DYNC2H1: variants seen among roughly 807,000 people sequenced by gnomAD.
DYNC2H1 encodes dynein cytoplasmic 2 heavy chain 1.
A neutral mutation model predicts 570.0 loss-of-function variants in DYNC2H1; 410 were observed. That is an observed-to-expected ratio of 0.72 (90% CI 0.66 to 0.78). DYNC2H1 has a LOEUF of 0.78. Among genes scored for constraint, DYNC2H1 ranks in the 30% least tolerant of loss-of-function variants. The pLI is 0.00. For synonymous variants in DYNC2H1, 1,688 were observed against 1,677.6 expected (o/e 1.01, Z -0.15); for missense variants, 4,865 against 5,046.4 (o/e 0.96, Z 1.09).
intron 82 of DYNC2H1, among the ~76,000 whole-genome samples, chr11:103,342,473 A>G (rs1023936613): frequency 1.9e-4 from 28 of 150,248 alleles, no homozygotes; most frequent in East Asian, 7.9e-4. Context: ...TTCGCAATAA[A>G]TCTTGCTGCA....
At chr11:103,234,848 T>G (rs1224801808) in intron 61 of DYNC2H1, among the ~76,000 whole-genome samples, 2 of 152,010 alleles carry the variant, frequency 1.3e-5, no homozygotes, top group African/African-American at 4.8e-5. Context: ...TATTTTCTTT[T>G]TCTTATTCCA....
rs1456316382 is a variant in DYNC2H1 at position 103,234,030 on chromosome 11, A to G, written c.9441-4A>G. On this transcript the variant is annotated splice_region_variant and splice_polypyrimidine_tract_variant and intron_variant, in intron 60 of 88. Transcript: ENST00000375735. Reference sequence around the variant, plus strand: ...CTTTTAATTAAATTTTAATGTTTACATAGATTTCAGAGCAGGACTTCAGAA... The same window carrying G: ...CTTTTAATTAAATTTTAATGTTTACGTAGATTTCAGAGCAGGACTTCAGAA... The G allele has an allele frequency of 3.2e-6, 5 of 1,550,464 alleles. No homozygotes were observed. The highest frequency in any genetic ancestry group is 3.9e-5 in the Admixed American group (2 of 50,762).
chr11:103,187,312 A>C (rs774036478), intron 42 of DYNC2H1, 28 bp from the exon 43 acceptor site: 30 of 1,608,256 alleles, frequency 1.9e-5, no homozygotes, highest in Non-Finnish European at 2.5e-5. Flanking sequence ...CATTTTTATC[A>C]AAGTCAGATG....
In DYNC2H1 at chr11:103,173,060, A is replaced by G. The variant is rs1257570022; in HGVS notation, c.5335-22A>G. Reference sequence around the variant, plus strand: ...AACTTAATATTTAATATTTAAATTAATATTTTTAATTAATATTTCAGGTAG... The same window carrying G: ...AACTTAATATTTAATATTTAAATTAGTATTTTTAATTAATATTTCAGGTAG... On this transcript the variant is annotated intron_variant, in intron 34 of 88. Transcript: ENST00000375735. 1.8e-5 allele frequency: 21 copies of G among 1,146,782 alleles called. 1 individual carries two copies. Among genetic ancestry groups the G allele is most frequent in the Non-Finnish European group, 2.1e-5 (19 of 887,718 alleles). 71.0% of individuals were successfully genotyped at this position (1,146,782 alleles called of 1,614,324 possible). A position where few individuals can be genotyped will look rare whatever the true frequency, so the allele number is the denominator to read the frequency against.
chr11:103,278,020 T>C (rs1232291869), intron 70 of DYNC2H1, among the ~76,000 whole-genome samples: 2 of 152,198 alleles, frequency 1.3e-5, no homozygotes, highest in Non-Finnish European at 2.9e-5. Context: ...TAGGTTACCA[T>C]GACTGTTTTC....
At position 103,145,489 on chromosome 11, in the gene DYNC2H1, A is replaced by G. The variant is rs1860194777; in HGVS notation, c.2702+2094A>G. On this transcript the variant is annotated intron_variant, in intron 18 of 88. Coordinates refer to ENST00000375735, the MANE Select transcript of DYNC2H1 (RefSeq NM_001377.3). The surrounding 1 kb of genome is among the most constrained non-coding windows in gnomAD (Gnocchi z 4.2). ...GTCACCTGACTGCCTAAGAACCTCT[A>G]CTGCTTCCTCTACTATTTTTTTGTC... 6.6e-6 allele frequency among the ~76,000 whole-genome samples: 1 copy of G among 152,068 alleles called. No individual in the cohort carries two copies. The highest frequency in any genetic ancestry group is 6.5e-5 in the Admixed American group (1 of 15,270).
rs768090396 is a variant in DYNC2H1, at chr11:103,185,634, A to G, written c.6633+583A>G. ...ATTTTGCTGCTTCTTTGATAGTGTCATTTACTGCTTTCTCTATTCCGTCTC... is the reference window on the plus strand; with the variant it reads ...ATTTTGCTGCTTCTTTGATAGTGTCGTTTACTGCTTTCTCTATTCCGTCTC... On this transcript the variant is annotated intron_variant, in intron 41 of 88. Coordinates refer to ENST00000375735, the MANE Select transcript of DYNC2H1 (RefSeq NM_001377.3). The surrounding 1 kb of genome is among the most constrained non-coding windows in gnomAD (Gnocchi z 4.5). Among the ~76,000 whole-genome samples the G allele has an allele frequency of 2.0e-5, 3 of 151,620 alleles. No homozygotes were observed. The highest frequency in any genetic ancestry group is 2.9e-5 in the Non-Finnish European group (2 of 67,826).
At chr11:103,284,663 A>T (rs892495103) in intron 73 of DYNC2H1, among the ~76,000 whole-genome samples, 3 of 152,180 alleles carry the variant, frequency 2.0e-5, no homozygotes, top group Non-Finnish European at 4.4e-5. Context: ...TTGAAATGTA[A>T]TTTATTTTCT....
In DYNC2H1 at chr11:103,156,661, C is replaced by T; in HGVS notation, c.4018C>T (p.Gln1340Ter). Residue 1340 changes from glutamine (Q) to a stop codon, truncating the protein, a stop_gained, in exon 26 of 89, where the codon CAG (glutamine) becomes TAG (stop). Transcript: ENST00000375735. LOFTEE classifies it high-confidence loss of function. Reference protein sequence around the residue: ...RKLAELDEYLQNLNHIQRKWV... With the variant: ...RKLAELDEYL ...ACTTGCAGAGTTAGATGAATACCTG[C>T]AGAATTTAAATCATATTCAGAGAAA... The T allele has an allele frequency of 1.2e-6, 2 of 1,613,310 alleles. No individual in the cohort carries two copies. The highest frequency in any genetic ancestry group is 1.7e-6 in the Non-Finnish European group (2 of 1,179,636).
rs1158958317 is a variant in DYNC2H1 at position 103,299,450 on chromosome 11, C to T, written c.11096-3643C>T. Among the ~76,000 whole-genome samples, 1 of 152,100 alleles carries T rather than the reference C, an allele frequency of 6.6e-6. No individual in the cohort carries two copies. Among genetic ancestry groups the T allele is most frequent in the Non-Finnish European group, 1.5e-5 (1 of 68,004 alleles). ...AGTTTTGGAAGCCCTGGGGAAAATC[C>T]ACTTCCAAACCCATTCAGGTTCAGC... is the stretch of plus-strand genomic sequence containing the variant. On this transcript the variant is annotated intron_variant, in intron 75 of 88. Coordinates refer to ENST00000375735, the MANE Select transcript of DYNC2H1 (RefSeq NM_001377.3). This position sits in a 1 kb window ranked among gnomAD's most constrained non-coding sequence, Gnocchi z 4.5.
At chr11:103,131,746 T>C (rs867213190) in intron 13 of DYNC2H1, among the ~76,000 whole-genome samples, 2 of 152,176 alleles carry the variant, frequency 1.3e-5, no homozygotes, top group South Asian at 4.1e-4. Context: ...CTTTAAACAT[T>C]TTCCATGTCC....
Position 103,233,830 on chromosome 11 carries a change from A to ATGTGTGTGTG in DYNC2H1, c.9441-165_9441-156dup, listed in dbSNP as rs745355739. The stretch of plus-strand genomic sequence containing the variant: ...TTTGAGGTAGAGAATGCTACACTTT[A>ATGTGTGTGTG]TGTGTGTGTGTGTGTGTGTGTGTGT... On this transcript the variant is annotated intron_variant, in intron 60 of 88. Coordinates refer to ENST00000375735, the MANE Select transcript of DYNC2H1 (RefSeq NM_001377.3). Among the ~76,000 whole-genome samples, 4 of 75,872 alleles carry ATGTGTGTGTG rather than the reference A, an allele frequency of 5.3e-5. No homozygotes were observed. The East Asian group carries it at 1.3e-3, about 25-fold the overall frequency. The allele number at this position is 75,872 out of a possible 152,430, so 49.8% of individuals were successfully genotyped here. A position where few individuals can be genotyped will look rare whatever the true frequency, so the allele number is the denominator to read the frequency against.
intron 13 of DYNC2H1, among the ~76,000 whole-genome samples, chr11:103,132,401 G>T (rs1339908414): frequency 6.6e-6 from 1 of 151,748 alleles, no homozygotes; most frequent in Non-Finnish European, 1.5e-5. Context: ...AAGAGAATTT[G>T]TAACTGCCTG....
intron 55 of DYNC2H1, among the ~76,000 whole-genome samples, chr11:103,219,209 C>T (rs1863494165): frequency 6.6e-6 from 1 of 151,554 alleles, no homozygotes; most frequent in East Asian, 1.9e-4. Context: ...ATAGTGAGAC[C>T]CTGTCTCAAA....
intron 83 of DYNC2H1, among the ~76,000 whole-genome samples, chr11:103,384,545 AAT>A (rs1238517480): frequency 6.6e-6 from 1 of 151,688 alleles, no homozygotes; most frequent in Non-Finnish European, 1.5e-5. Flanking sequence ...ATTATTTTCT[AAT>A]GTTTCTTTTT....
rs145023981 is a variant in DYNC2H1, at chr11:103,382,894, G to T, written c.12157-16769G>T. ...ATGGATAATTTAATATAGAGAATTGGTAACACATGTTGGAGAGCTCAAAGA... is the reference window on the plus strand; with the variant it reads ...ATGGATAATTTAATATAGAGAATTGTTAACACATGTTGGAGAGCTCAAAGA... On this transcript the variant is annotated intron_variant, in intron 83 of 88. Transcript: ENST00000375735. Among the ~76,000 whole-genome samples the T allele has an allele frequency of 6.0e-4, 91 of 152,298 alleles. 2 individuals carry two copies. The East Asian group carries it at 0.016, about 27-fold the overall frequency.
intron 61 of DYNC2H1, among the ~76,000 whole-genome samples, chr11:103,234,500 A>T (rs560976917): frequency 1.3e-5 from 2 of 151,982 alleles, no homozygotes; most frequent in Non-Finnish European, 2.9e-5. Context: ...ACTGTTGGCT[A>T]TTTATTTTTT....
chr11:103,374,781 C>T (rs941529236), intron 83 of DYNC2H1, among the ~76,000 whole-genome samples: 1 of 152,146 alleles, frequency 6.6e-6, no homozygotes, highest in Non-Finnish European at 1.5e-5. Context: ...AATTTCTAAA[C>T]AGCAAAGCAT....
intron 6 of DYNC2H1, among the ~76,000 whole-genome samples, chr11:103,118,556 G>A (rs1858539422): frequency 6.6e-6 from 1 of 151,352 alleles, no homozygotes; most frequent in South Asian, 2.1e-4. Context: ...CAGAGATATT[G>A]TATACTTCCA....
Sources: allele counts gnomAD v4.1 joint callset (sites outside exome capture counted in the v4.1 genomes callset), GRCh38; gene constraint gnomAD v4.1.1; non-coding constraint Gnocchi (gnomAD v3.1); transcripts MANE v1.5; gene names NCBI Gene and HGNC (gene_info 2026-07-23, HGNC 2026-07-21).